The following RHBDL3 variants were observed in gnomAD, a reference collection of about 807,000 sequenced individuals.
RHBDL3 encodes the protein rhomboid-related protein 3.
In RHBDL3, 28 loss-of-function variants were observed where a neutral mutation model predicts 48.2. That is an observed-to-expected ratio of 0.58 (90% CI 0.43 to 0.80). The LOEUF (loss-of-function observed/expected upper bound fraction) is 0.80. RHBDL3 is among the 30% of genes least tolerant of loss of function. The pLI is 0.00. For synonymous variants in RHBDL3, 208 were observed against 232.3 expected, an observed-to-expected ratio of 0.90 and a Z score of 0.95; for missense variants, 464 against 542.7, an observed-to-expected ratio of 0.85 and a Z score of 1.44.
At chr17:32,286,394 A>G (rs549901313) in intron 3 of RHBDL3, among the ~76,000 whole-genome samples, 57 of 152,288 alleles carry the variant, frequency 3.7e-4, no homozygotes, top group African/African-American at 1.3e-3. Context: ...GAGAGCAGAC[A>G]AAGGGACTCA....
intron 4 of RHBDL3, among the ~76,000 whole-genome samples, chr17:32,291,073 C>T (rs187264893): frequency 4.9e-4 from 75 of 151,704 alleles, no homozygotes; most frequent in Non-Finnish European, 8.1e-4. Flanking sequence ...TGGCTCACAC[C>T]TGTAATCCCA....
chr17:32,294,297 G>A lies in RHBDL3; in HGVS notation c.523G>A (p.Ala175Thr), dbSNP rs772520969. The A allele has an allele frequency of 1.2e-6, 2 of 1,613,632 alleles. No individual in the cohort carries two copies. Among genetic ancestry groups the A allele is most frequent in the Middle Eastern group, 1.7e-4 (1 of 6,060 alleles). The change falls in exon 5 of 9, where the codon GCC (alanine) becomes ACC (threonine). Residue 175 changes from alanine (A) to threonine (T), a missense_variant. Physicochemically the swap from Ala to Thr is moderately conservative, Grantham distance 58. Transcript: ENST00000269051. ...AGACTCTCTCTCTTCTGTCCAGGTT[G>A]CCTTTTTCCTCTACAATGGGGTGTC... is the stretch of plus-strand genomic sequence containing the variant. ...FMITVTLLEV[A>T]FFLYNGVSLG...
intron 6 of RHBDL3, among the ~76,000 whole-genome samples, chr17:32,302,551 A>ATAT (rs1401451294): frequency 2.4e-5 from 1 of 41,530 alleles, no homozygotes; most frequent in Non-Finnish European, 6.7e-5. Context: ...ATATATATAT[A>ATAT]TTTTTTTTTA....
intron 6 of RHBDL3, among the ~76,000 whole-genome samples, chr17:32,301,656 A>G (rs1347072734): frequency 6.6e-6 from 1 of 151,992 alleles, no homozygotes; most frequent in East Asian, 1.9e-4. Context: ...CCCTGTCTCT[A>G]CTGAAAATAC....
chr17:32,275,767 G>A (rs894370834), intron 2 of RHBDL3, among the ~76,000 whole-genome samples: 1 of 152,198 alleles, frequency 6.6e-6, no homozygotes, highest in African/African-American at 2.4e-5. Context: ...GAAGCACCAT[G>A]AGAGGGCTGA....
rs780861705 is a variant in RHBDL3, at chr17:32,322,669, C to T, written c.*1440C>T. The stretch of plus-strand genomic sequence containing the variant: ...TCAGAGGGAGGGCAGCCAGTAGCCT[C>T]GGAGGCTTGGATGCGGGAGAGAACA... On this transcript the variant is annotated 3_prime_UTR_variant, in exon 9 of 9. Transcript: ENST00000269051. 1.1e-4 allele frequency: 16 copies of T among 152,126 alleles called. No individual in the cohort carries two copies. Among genetic ancestry groups the T allele is most frequent in the Non-Finnish European group, 1.9e-4 (13 of 68,060 alleles). The allele number at this position is 152,126 out of a possible 1,614,324, so 9.4% of individuals were successfully genotyped here. A position where few individuals can be genotyped will look rare whatever the true frequency, so the allele number is the denominator to read the frequency against.
At chr17:32,279,090 A>G (rs967035255) in intron 2 of RHBDL3, among the ~76,000 whole-genome samples, 10 of 151,920 alleles carry the variant, frequency 6.6e-5, no homozygotes, top group African/African-American at 2.4e-4. Context: ...TCACATCACT[A>G]CACCCCAGCC....
At chr17:32,279,780 G>A (rs2039999316) in intron 2 of RHBDL3, among the ~76,000 whole-genome samples, 1 of 152,142 alleles carries the variant, frequency 6.6e-6, no homozygotes, top group South Asian at 2.1e-4. Context: ...ACAGAGGCAG[G>A]GTGGTTGAAT....
chr17:32,286,976 C>G lies in RHBDL3; in HGVS notation c.295-1816C>G, dbSNP rs189062408. Among the ~76,000 whole-genome samples the G allele has an allele frequency of 2.2e-3, 336 of 152,312 alleles. 2 individuals are homozygous for G. Among genetic ancestry groups the G allele is most frequent in the Non-Finnish European group, 4.0e-3 (271 of 68,030 alleles). The stretch of plus-strand genomic sequence containing the variant: ...GAGTCAGGCAGATCTGTATTTGAAT[C>G]CTGACTCTGTGGTTTACTAAGTATG... On this transcript the variant is annotated intron_variant, in intron 3 of 8. Transcript: ENST00000269051.
chr17:32,305,611 C>G (rs1232350511), intron 7 of RHBDL3, among the ~76,000 whole-genome samples, 170 bp downstream of exon 7: 3 of 152,180 alleles, frequency 2.0e-5, no homozygotes, highest in Non-Finnish European at 2.9e-5. Context: ...TGAGCGCCTT[C>G]CAGATGCGAT....
At chr17:32,296,293 A>G (rs2040446799) in intron 5 of RHBDL3, among the ~76,000 whole-genome samples, 1 of 147,480 alleles carries the variant, frequency 6.8e-6, no homozygotes, top group Non-Finnish European at 1.5e-5. Context: ...CTGGGATCCC[A>G]TATCCTAGTC....
chr17:32,284,530 C>A, intron 2 of RHBDL3, 129 bp from the exon 3 acceptor site: 1 of 840,688 alleles, frequency 1.2e-6, no homozygotes. Flanking sequence ...GGAAATCTCC[C>A]AGACACTGAG....
intron 5 of RHBDL3, among the ~76,000 whole-genome samples, chr17:32,295,248 A>G (rs950021161): frequency 1.3e-5 from 2 of 152,240 alleles, no homozygotes; most frequent in African/African-American, 2.4e-5. Flanking sequence ...CTCAGCAGAA[A>G]GACCCACAAT....
chr17:32,307,663 C>T (rs143505998), intron 7 of RHBDL3, among the ~76,000 whole-genome samples: 5 of 152,282 alleles, frequency 3.3e-5, no homozygotes, highest in African/African-American at 9.6e-5. Context: ...AAACGTGGAA[C>T]GGTGAGCCTC....
At chr17:32,313,964 A>G (rs1439131204) in intron 7 of RHBDL3, among the ~76,000 whole-genome samples, 3 of 152,030 alleles carry the variant, frequency 2.0e-5, no homozygotes, top group Non-Finnish European at 4.4e-5. Flanking sequence ...TCACCATGTT[A>G]GCCAGGATGG....
intron 2 of RHBDL3, among the ~76,000 whole-genome samples, chr17:32,274,326 T>C (rs8074061): frequency 0.33 from 49,476 of 152,022 alleles, 8,424 homozygotes; most frequent in African/African-American, 0.43. Flanking sequence ...ATCGTGACAC[T>C]GGGGCCATTG....
intron 2 of RHBDL3, among the ~76,000 whole-genome samples, chr17:32,273,249 G>A (rs1248802165): frequency 2.6e-5 from 4 of 152,180 alleles, no homozygotes; most frequent in African/African-American, 9.7e-5. Context: ...TGATTCACCC[G>A]CCTTGGCCTC....
At position 32,294,001 on chromosome 17, in the gene RHBDL3, G is replaced by A. The variant is rs1597652616; in HGVS notation, c.520-293G>A. ...AAATTAGCCAGGCGTGGTGGCACAT[G>A]CCTGTAATCCCAGCTACTCAGGAGG... On this transcript the variant is annotated intron_variant, in intron 4 of 8. Transcript: ENST00000269051. 3.3e-5 allele frequency among the ~76,000 whole-genome samples: 5 copies of A among 152,122 alleles called. 1 individual carries two copies. In the South Asian group the frequency reaches 1.0e-3, roughly 32 times the overall value.
chr17:32,266,285 C>T lies in RHBDL3; in HGVS notation c.96C>T (p.Pro32=), dbSNP rs1480546085. The T allele has an allele frequency of 6.8e-7, 1 of 1,466,400 alleles. No individual in the cohort carries two copies. The highest frequency in any genetic ancestry group is 1.3e-5 in the South Asian group (1 of 77,638). The allele number at this position is 1,466,400 out of a possible 1,614,324, so 90.8% of individuals were successfully genotyped here. The change falls in exon 1 of 9, where the codon CCC becomes CCT. Residue 32 remains proline (P), a synonymous_variant. Transcript: ENST00000269051. The part of the protein sequence containing the change: ...ELEPEAEERL[P]AAPEDHWKVL... ...AACCCGAGGCCGAGGAGCGGCTGCCCGCGGCGCCGGAGGACGTGAGTGCCC... is the reference window on the plus strand; with the variant it reads ...AACCCGAGGCCGAGGAGCGGCTGCCTGCGGCGCCGGAGGACGTGAGTGCCC...
Sources: gnomAD v4.1 joint callset for allele counts (sites outside exome capture counted in the v4.1 genomes callset) on GRCh38, gnomAD v4.1.1 for gene constraint, MANE v1.5 for transcripts, NCBI Gene and HGNC (gene_info 2026-07-23, HGNC 2026-07-21) for gene names.